NRXN1: variants seen among roughly 807,000 people sequenced by gnomAD.
NRXN1 encodes the protein neurexin 1, also known as neurexin-1.
Under a neutral mutation model 150.9 loss-of-function variants are expected in NRXN1, and 39 were observed. The ratio of observed to expected loss-of-function variants is 0.26; its 90% confidence interval spans 0.20 to 0.34. The LOEUF (loss-of-function observed/expected upper bound fraction) is 0.34. NRXN1 is among the 10% of genes least tolerant of loss of function. NRXN1 has a pLI of 1.00. For synonymous variants in NRXN1, 924 were observed against 757.0 expected, an observed-to-expected ratio of 1.22 and a Z score of -3.62; for missense variants, 1,815 against 1,949.9, an observed-to-expected ratio of 0.93 and a Z score of 1.30.
At chr2:50,139,699 T>C (rs1199928695) in intron 18 of NRXN1, among the ~76,000 whole-genome samples, 2 of 152,196 alleles carry the variant, frequency 1.3e-5, no homozygotes, top group Admixed American at 1.3e-4. Context: ...TGCTGATCAG[T>C]GGAATTACAG....
intron 18 of NRXN1, among the ~76,000 whole-genome samples, chr2:50,223,588 T>C (rs2064089185): frequency 6.6e-6 from 1 of 151,990 alleles, no homozygotes; most frequent in South Asian, 2.1e-4. Flanking sequence ...ATTTCTCTGC[T>C]GATGCTCTAT....
intron 5 of NRXN1, chr2:50,656,480 C>T (rs903735541): frequency 4.2e-6 from 3 of 712,840 alleles, no homozygotes; most frequent in Admixed American, 4.1e-5. Flanking sequence ...TCTGTTTAAA[C>T]ATTCACACCA....
At chr2:50,996,163 A>C (rs1699251084) in intron 2 of NRXN1, among the ~76,000 whole-genome samples, 1 of 152,120 alleles carries the variant, frequency 6.6e-6, no homozygotes, top group Admixed American at 6.6e-5. Flanking sequence ...AATTTCTCAA[A>C]AGATGTTAAA....
chr2:50,853,130 T>C (rs532833058), intron 5 of NRXN1, among the ~76,000 whole-genome samples: 1 of 152,266 alleles, frequency 6.6e-6, no homozygotes, highest in East Asian at 1.9e-4. Flanking sequence ...AATAAATGCT[T>C]TGTAATGATT....
chr2:49,997,687 C>T (rs4508640), intron 21 of NRXN1, among the ~76,000 whole-genome samples: 55,150 of 151,906 alleles, frequency 0.36, 10,599 homozygotes, highest in South Asian at 0.44. Flanking sequence ...CCTCAAAATA[C>T]TAGAAATTTA....
chr2:50,442,310 A>G (rs1339262472), intron 17 of NRXN1, among the ~76,000 whole-genome samples: 2 of 152,094 alleles, frequency 1.3e-5, no homozygotes, highest in African/African-American at 4.8e-5. Context: ...GTCTATATAT[A>G]TGAAATATTA....
chr2:50,513,093 G>A (rs2092513632), intron 12 of NRXN1, among the ~76,000 whole-genome samples: 1 of 152,190 alleles, frequency 6.6e-6, no homozygotes, highest in Admixed American at 6.5e-5. Flanking sequence ...ATCTATAAAT[G>A]TGAGATAATA....
At chr2:50,028,007 G>A (rs1688613488) in intron 21 of NRXN1, among the ~76,000 whole-genome samples, 1 of 151,886 alleles carries the variant, frequency 6.6e-6, no homozygotes, top group East Asian at 1.9e-4. Context: ...TGTGTCTTGG[G>A]CATAAGTACT....
chr2:51,006,122 A>G (rs1333917586), intron 2 of NRXN1, among the ~76,000 whole-genome samples: 1 of 151,934 alleles, frequency 6.6e-6, no homozygotes, highest in African/African-American at 2.4e-5. Flanking sequence ...CCAGTCATTG[A>G]CATTTCTTAT....
intron 17 of NRXN1, among the ~76,000 whole-genome samples, chr2:50,439,965 C>G (rs929674307): frequency 6.6e-6 from 1 of 152,088 alleles, no homozygotes; most frequent in Non-Finnish European, 1.5e-5. Context: ...TAAAAGGTAT[C>G]AGAGCTAGTA....
At chr2:50,504,711 C>T (rs750579461) in intron 13 of NRXN1, among the ~76,000 whole-genome samples, 2 of 152,186 alleles carry the variant, frequency 1.3e-5, no homozygotes, top group Non-Finnish European at 2.9e-5. Context: ...ATTTTCTCCA[C>T]TTACTCTTCA....
chr2:50,995,596 C>G (rs10169578), intron 2 of NRXN1, among the ~76,000 whole-genome samples: 29,325 of 133,544 alleles, frequency 0.22, 3,979 homozygotes, highest in East Asian at 0.42. Flanking sequence ...CAGAGCTAGA[C>G]TCTGTCAAAA....
At chr2:50,031,629 A>T (rs906291899) in intron 21 of NRXN1, among the ~76,000 whole-genome samples, 1 of 152,096 alleles carries the variant, frequency 6.6e-6, no homozygotes, top group Non-Finnish European at 1.5e-5. Flanking sequence ...AAGCTTGTCT[A>T]TATACTAACT....
intron 21 of NRXN1, among the ~76,000 whole-genome samples, chr2:49,977,465 G>A (rs536275944): frequency 1.1e-4 from 16 of 152,280 alleles, no homozygotes; most frequent in African/African-American, 3.6e-4. Context: ...GAGAAACCAT[G>A]TTCTAAATGC....
intron 9 of NRXN1, among the ~76,000 whole-genome samples, chr2:50,550,821 A>G (rs1470388520): frequency 6.6e-6 from 1 of 151,650 alleles, no homozygotes; most frequent in African/African-American, 2.4e-5. Context: ...GGCTGGGACT[A>G]CAGGCACCGC....
chr2:50,784,984 T>C (rs1032483926), intron 5 of NRXN1, among the ~76,000 whole-genome samples: 11 of 152,102 alleles, frequency 7.2e-5, no homozygotes, highest in African/African-American at 2.7e-4. Flanking sequence ...TGACTGTTTT[T>C]GGAGACTGGG....
chr2:50,841,045 G>C (rs555279150), intron 5 of NRXN1: 2 of 152,696 alleles, frequency 1.3e-5, no homozygotes, highest in African/African-American at 2.4e-5. Context: ...GTGGAAAACA[G>C]TGATGTTCTA....
chr2:50,218,795 C>A (rs963613763), intron 18 of NRXN1, among the ~76,000 whole-genome samples: 1 of 151,892 alleles, frequency 6.6e-6, no homozygotes, highest in East Asian at 1.9e-4. Context: ...GATAGAAAAA[C>A]TTCAACTTTG....
At chr2:50,399,011 C>T (rs1000751803) in intron 17 of NRXN1, among the ~76,000 whole-genome samples, 13 of 152,046 alleles carry the variant, frequency 8.6e-5, no homozygotes, top group African/African-American at 1.2e-4. Flanking sequence ...CAAATATGTG[C>T]GTGACTATTT....
Sources: allele counts gnomAD v4.1 joint callset (sites outside exome capture counted in the v4.1 genomes callset), GRCh38; gene constraint gnomAD v4.1.1; transcripts MANE v1.5; gene names NCBI Gene and HGNC (gene_info 2026-07-23, HGNC 2026-07-21).